ZNG1F: variants seen among roughly 807,000 people sequenced by gnomAD.
ZNG1F encodes the protein Zn regulated GTPase metalloprotein activator 1F, also known as zinc-regulated GTPase metalloprotein activator 1F.
the ZNG1F span, among the ~76,000 whole-genome samples, chr9:41,156,069 C>A: frequency 2.4e-5 from 3 of 122,608 alleles, no homozygotes; most frequent in Non-Finnish European, 3.4e-5. Context: ...AAACGCTAAG[C>A]TAAAATTTTC....
the ZNG1F span, among the ~76,000 whole-genome samples, chr9:41,136,538 T>A: frequency 8.9e-5 from 2 of 22,476 alleles, 1 homozygote; most frequent in Non-Finnish European, 2.9e-4. Context: ...TTAGGGAGGA[T>A]TCCTTCTTTC....
chr9:41,154,531 G>A, the ZNG1F span, among the ~76,000 whole-genome samples: 1 of 137,720 alleles, frequency 7.3e-6, no homozygotes, highest in Non-Finnish European at 1.6e-5. Flanking sequence ...AACCAAAAAA[G>A]AGCCCGCATC....
the ZNG1F span, among the ~76,000 whole-genome samples, chr9:41,142,819 C>A: frequency 7.5e-6 from 1 of 134,050 alleles, no homozygotes; most frequent in Non-Finnish European, 1.6e-5. Flanking sequence ...GGTGAGACTC[C>A]AGCCAGAGCG....
At chr9:41,154,704 A>G in the ZNG1F span, among the ~76,000 whole-genome samples, 1 of 149,434 alleles carries the variant, frequency 6.7e-6, no homozygotes. Flanking sequence ...AATGCCGCAT[A>G]TCTACAACTA....
At chr9:41,131,959 T>C in the ZNG1F span, 1 of 506,448 alleles carries the variant, frequency 2.0e-6, no homozygotes, top group Non-Finnish European at 3.5e-6. Flanking sequence ...AAAAGAATAG[T>C]AATTGAGTGA....
the ZNG1F span, among the ~76,000 whole-genome samples, chr9:41,183,215 G>A: frequency 1.0e-5 from 1 of 98,058 alleles, no homozygotes; most frequent in Non-Finnish European, 2.3e-5. Flanking sequence ...TTTTTTGATA[G>A]TCATTTTTTT....
chr9:41,152,433 G>C, the ZNG1F span, among the ~76,000 whole-genome samples: 1 of 147,202 alleles, frequency 6.8e-6, no homozygotes, highest in African/African-American at 2.5e-5. Context: ...GTCAACATTA[G>C]ACAGATCAAT....
the ZNG1F span, among the ~76,000 whole-genome samples, chr9:41,144,010 T>A: frequency 1.5e-4 from 5 of 34,198 alleles, 2 homozygotes; most frequent in Non-Finnish European, 4.7e-4. Context: ...GATTTTTTTT[T>A]AAAAAAGCTC....
the ZNG1F span, among the ~76,000 whole-genome samples, chr9:41,155,056 A>G: frequency 2.7e-5 from 4 of 150,808 alleles, no homozygotes; most frequent in South Asian, 8.4e-4. Flanking sequence ...CTACCATCAG[A>G]GTGAACAGGC....
At chr9:41,173,949 T>C in the ZNG1F span, among the ~76,000 whole-genome samples, 62 of 148,430 alleles carry the variant, frequency 4.2e-4, 5 homozygotes, top group African/African-American at 1.4e-3. Context: ...AGGCAGGGTG[T>C]GGTGGCTCAC....
At chr9:41,203,279 A>T in the ZNG1F span, among the ~76,000 whole-genome samples, 1 of 152,198 alleles carries the variant, frequency 6.6e-6, no homozygotes, top group Non-Finnish European at 1.5e-5. Context: ...TTGTGTTTTC[A>T]TCATACTCTA....
the ZNG1F span, among the ~76,000 whole-genome samples, chr9:41,169,617 A>C: frequency 6.6e-6 from 1 of 151,666 alleles, no homozygotes; most frequent in East Asian, 1.9e-4. Context: ...TTGGTCAAAG[A>C]ATACAAAGTT....
At chr9:41,169,687 T>C in the ZNG1F span, among the ~76,000 whole-genome samples, 1 of 147,670 alleles carries the variant, frequency 6.8e-6, no homozygotes, top group Non-Finnish European at 1.5e-5. Context: ...TGTAGTTAAT[T>C]CTATTGTATA....
chr9:41,173,725 A>AT, the ZNG1F span, among the ~76,000 whole-genome samples: 1 of 38,060 alleles, frequency 2.6e-5, no homozygotes, highest in Non-Finnish European at 7.6e-5. Context: ...CCTACAAAGC[A>AT]TTTTTTTTTT....
the ZNG1F span, among the ~76,000 whole-genome samples, chr9:41,139,148 TC>T: frequency 1.1e-4 from 12 of 108,040 alleles, no homozygotes; most frequent in African/African-American, 3.9e-4. Flanking sequence ...TTGTTCAGAT[TC>T]TTTCATCCTA....
the ZNG1F span, among the ~76,000 whole-genome samples, chr9:41,192,979 T>C: frequency 6.3e-3 from 962 of 151,608 alleles, 1 homozygote; most frequent in African/African-American, 0.022. Flanking sequence ...ACAATAGTAA[T>C]GTTTTGAGCC....
At chr9:41,201,350 C>T in the ZNG1F span, among the ~76,000 whole-genome samples, 1 of 111,312 alleles carries the variant, frequency 9.0e-6, no homozygotes. Context: ...ACATGAACTA[C>T]CTCAGGGAGT....
At chr9:41,150,228 T>C in the ZNG1F span, among the ~76,000 whole-genome samples, 9 of 145,982 alleles carry the variant, frequency 6.2e-5, no homozygotes, top group African/African-American at 2.3e-4. Flanking sequence ...ACCTGTAAGA[T>C]TGGGTCACTC....
chr9:41,193,053 G>A, the ZNG1F span, among the ~76,000 whole-genome samples: 2 of 146,272 alleles, frequency 1.4e-5, no homozygotes, highest in Non-Finnish European at 3.0e-5. Flanking sequence ...AACTCTCCAA[G>A]GTAAATACTA....
Sources: allele counts gnomAD v4.1 joint callset (sites outside exome capture counted in the v4.1 genomes callset), GRCh38; gene constraint gnomAD v4.1.1; transcripts MANE v1.5; gene names NCBI Gene and HGNC (gene_info 2026-07-23, HGNC 2026-07-21).